TMC6: variants seen among roughly 807,000 people sequenced by gnomAD.
TMC6 encodes transmembrane channel like 6.
TMC6 carries 71 observed loss-of-function variants against 95.4 expected under a neutral mutation model. The ratio of observed to expected loss-of-function variants is 0.74; its 90% CI spans 0.61 to 0.91. TMC6 has a LOEUF of 0.91. Among genes scored for constraint, TMC6 ranks in the 40% least tolerant of loss-of-function variants. The probability of loss-of-function intolerance (pLI) is 0.00; values close to 1 mark genes in which losing one functional copy is unlikely to be tolerated. For missense variants in TMC6, 1,074 were observed against 1,079.1 expected (o/e 1.00, Z 0.07); for synonymous variants, 514 against 483.1 (o/e 1.06, Z -0.84).
Position 78,119,314 on chromosome 17 carries a change from A to G in TMC6, c.1794T>C (p.Tyr598=). ...DIARNVLELI[Y]GQTLTWLGVL... The stretch of plus-strand genomic sequence containing the variant: ...ACCCTCACCAGGTCAGAGTCTGCCC[A>G]TAAATCAGCTCCAGGACATTCCGGG... Residue 598 remains tyrosine, a synonymous_variant, in exon 14 of 20, where the codon TAT becomes TAC. Coordinates refer to ENST00000590602, the MANE Select transcript of TMC6 (RefSeq NM_001127198.5). 1.9e-6 allele frequency: 3 copies of G among 1,614,066 alleles called. No homozygotes were observed. Among genetic ancestry groups the G allele is most frequent in the Non-Finnish European group, 1.7e-6 (2 of 1,180,014 alleles).
intron 18 of TMC6, 131 bp from the exon 19 acceptor site, chr17:78,113,755 G>T (rs1178070947): frequency 1.1e-6 from 1 of 944,682 alleles, no homozygotes; most frequent in African/African-American, 1.6e-5. Context: ...AAACATAAAA[G>T]AAAAGGTGAA....
Position 78,121,585 on chromosome 17 carries a change from C to G in TMC6, c.1354G>C (p.Val452Leu). 6.2e-7 allele frequency: 1 copy of G among 1,611,492 alleles called. No individual in the cohort carries two copies. Residue 452 changes from valine to leucine, a missense_variant, in exon 11 of 20, where the codon GTC (valine) becomes CTC (leucine). Val to Leu is a conservative substitution (Grantham distance 32). Transcript: ENST00000590602. This position sits in a 1 kb window ranked among gnomAD's most constrained non-coding sequence, Gnocchi z 5.6. ...ATCATGAACTCCGAGAAGACGTGGACGGCCACGGCGCAGCCCAGCGCGGTC... is the reference window on the plus strand; with the variant it reads ...ATCATGAACTCCGAGAAGACGTGGAGGGCCACGGCGCAGCCCAGCGCGGTC... ...LGTALGCAVAVHVFSEFMIQS... is the reference protein window; with the variant it reads ...LGTALGCAVALHVFSEFMIQS...
Position 78,125,280 on chromosome 17 carries a change from G to A in TMC6, c.431-17C>T. ...TCTGCTTCTCTGCGAGAGGGAGAGG[G>A]AGGTCCTGCCCATCCCCAAGTGCCC... On this transcript the variant is annotated splice_polypyrimidine_tract_variant and intron_variant, in intron 5 of 19. Transcript: ENST00000590602. 6.4e-7 allele frequency: 1 copy of A among 1,553,946 alleles called. No individual in the cohort carries two copies. The highest frequency in any genetic ancestry group is 1.4e-5 in the African/African-American group (1 of 73,578).
At chr17:78,123,096 C>A in intron 9 of TMC6, 1 of 410,316 alleles carries the variant, frequency 2.4e-6, no homozygotes, top group South Asian at 2.1e-5. Context: ...TCCCTGCTTC[C>A]TTATCCATCC....
In TMC6 at chr17:78,121,786, C is replaced by G; in HGVS notation, c.1228-75G>C. 1.3e-6 allele frequency: 2 copies of G among 1,492,694 alleles called. No individual in the cohort carries two copies. Among genetic ancestry groups the G allele is most frequent in the African/African-American group, 2.8e-5 (2 of 72,244 alleles). The allele number at this position is 1,492,694 out of a possible 1,614,324, so 92.5% of individuals were successfully genotyped here. A position where few individuals can be genotyped will look rare whatever the true frequency, so the allele number is the denominator to read the frequency against. The stretch of plus-strand genomic sequence containing the variant: ...GCAGACGTGCAGACACAGCACAACA[C>G]ACACAACACACATGAGACACACCAG... On this transcript the variant is annotated intron_variant, in intron 10 of 19. Coordinates refer to ENST00000590602, the MANE Select transcript of TMC6 (RefSeq NM_001127198.5). The surrounding 1 kb of genome is among the most constrained non-coding windows in gnomAD (Gnocchi z 5.6).
chr17:78,132,369 C>G (rs1219215527), upstream of TMC6: 3 of 1,612,940 alleles, frequency 1.9e-6, no homozygotes, highest in South Asian at 3.3e-5. Flanking sequence ...GCCTCTTCGG[C>G]ACAGGAATTC....
chr17:78,109,151 G>A lies in TMC6; in HGVS notation c.*3997C>T, dbSNP rs1460463323. The A allele has an allele frequency of 2.0e-5, 6 of 297,008 alleles. No homozygotes were observed. The highest frequency in any genetic ancestry group is 2.7e-5 in the Non-Finnish European group (4 of 149,988). The allele number at this position is 297,008 out of a possible 1,614,324, so 18.4% of individuals were successfully genotyped here. A position where few individuals can be genotyped will look rare whatever the true frequency, so the allele number is the denominator to read the frequency against. ...GTTGCTGCTATTTTGGCAACATCAC[G>A]GCAGAACGGTAAAGGCAGAAAGCAC... is the stretch of plus-strand genomic sequence containing the variant. On this transcript the variant is annotated 3_prime_UTR_variant, in exon 20 of 20. Transcript: ENST00000590602.
rs139988790 is a variant in TMC6 at position 78,110,942 on chromosome 17, C to CAGAGACAGAACAAATA, written c.*2205_*2206insTATTTGTTCTGTCTCT. The CAGAGACAGAACAAATA allele has an allele frequency of 0.24, 35,998 of 152,084 alleles. 5,127 individuals carry two copies. Among genetic ancestry groups the CAGAGACAGAACAAATA allele is most frequent in the African/African-American group, 0.39 (16,157 of 41,468 alleles). The allele number at this position is 152,084 out of a possible 1,614,324, so 9.4% of individuals were successfully genotyped here. A position where few individuals can be genotyped will look rare whatever the true frequency, so the allele number is the denominator to read the frequency against. On this transcript the variant is annotated 3_prime_UTR_variant, in exon 20 of 20. Transcript: ENST00000590602. Reference sequence around the variant, plus strand: ...AGGGTCTGGGGCCACACGGTGGGTCCGGAGACAGAAACGAGGAGAGGACGG... The same window carrying CAGAGACAGAACAAATA: ...AGGGTCTGGGGCCACACGGTGGGTCCAGAGACAGAACAAATAGGAGACAGAAACGAGGAGAGGACGG...
rs1195853221 is a variant in TMC6, at chr17:78,119,051, G to A, written c.1812-5C>T. On this transcript the variant is annotated splice_region_variant and splice_polypyrimidine_tract_variant and intron_variant, in intron 14 of 19. Transcript: ENST00000590602. ...GGCGAGAAGAGCACCCCCAGCCTGG[G>A]GAGGGGGTGGCAGTTCAGGGGCTGC... 6.3e-7 allele frequency: 1 copy of A among 1,578,040 alleles called. No individual in the cohort carries two copies. Among genetic ancestry groups the A allele is most frequent in the East Asian group, 2.3e-5 (1 of 42,894 alleles).
intron 1 of TMC6, 134 bp from the exon 2 acceptor site, chr17:78,127,040 G>A (rs1598878889): frequency 1.6e-6 from 1 of 644,866 alleles, no homozygotes. Flanking sequence ...TATCACCCCA[G>A]GTACATAAAT....
intron 12 of TMC6, 46 bp downstream of exon 12, chr17:78,120,967 G>C (rs1475357006): frequency 6.2e-7 from 1 of 1,613,020 alleles, no homozygotes. Context: ...TAAACAACCA[G>C]TATCAGCTCC....
At chr17:78,126,421 T>A in intron 3 of TMC6, 55 bp from the exon 4 acceptor site, 1 of 1,604,932 alleles carries the variant, frequency 6.2e-7, no homozygotes, top group East Asian at 2.2e-5. Flanking sequence ...GGCCACAGTA[T>A]CTCCCACCCC....
chr17:78,124,273 C>T (rs976736378), intron 8 of TMC6, 94 bp from the exon 9 acceptor site: 2 of 1,510,176 alleles, frequency 1.3e-6, no homozygotes, highest in Non-Finnish European at 1.8e-6. Flanking sequence ...AGGAGGAGGC[C>T]AGGCAGGGGC....
intron 6 of TMC6, 76 bp from the exon 7 acceptor site, chr17:78,125,061 A>G: frequency 6.5e-7 from 1 of 1,540,602 alleles, no homozygotes; most frequent in South Asian, 1.2e-5. Context: ...CCGGCCACCC[A>G]CGGGCTCAGC....
At chr17:78,115,477 A>G (rs1172859642) in intron 18 of TMC6, among the ~76,000 whole-genome samples, 1 of 152,170 alleles carries the variant, frequency 6.6e-6, no homozygotes, top group Non-Finnish European at 1.5e-5. Flanking sequence ...TGGAAAAGCC[A>G]CAGGACCTGC....
At chr17:78,119,438 G>A (rs1478633559) in intron 13 of TMC6, 46 bp from the exon 14 acceptor site, 3 of 1,604,268 alleles carry the variant, frequency 1.9e-6, no homozygotes, top group Admixed American at 1.7e-5. Context: ...GCCATGCCCA[G>A]GGAGGCCAGC....
upstream of TMC6, chr17:78,131,917 G>T (rs757695775): frequency 3.3e-6 from 5 of 1,496,284 alleles, no homozygotes; most frequent in Non-Finnish European, 4.4e-6. Context: ...CAGACCTTGC[G>T]CTGGCAGCGG....
chr17:78,127,673 T>C (rs978938833), intron 1 of TMC6, among the ~76,000 whole-genome samples: 1 of 152,188 alleles, frequency 6.6e-6, no homozygotes, highest in African/African-American at 2.4e-5. Flanking sequence ...CAGCGAGTCC[T>C]GCCGGCCTCT....
intron 1 of TMC6, among the ~76,000 whole-genome samples, chr17:78,127,602 G>A (rs2074789558): frequency 1.3e-5 from 2 of 152,220 alleles, no homozygotes; most frequent in Non-Finnish European, 2.9e-5. Context: ...CCTTGTCTGG[G>A]GCCCTGGGCT....
Sources: allele counts gnomAD v4.1 joint callset (sites outside exome capture counted in the v4.1 genomes callset), GRCh38; gene constraint gnomAD v4.1.1; non-coding constraint Gnocchi (gnomAD v3.1); transcripts MANE v1.5; gene names NCBI Gene and HGNC (gene_info 2026-07-23, HGNC 2026-07-21).